ATP6V1B2: variants seen among roughly 807,000 people sequenced by gnomAD.
The protein encoded by ATP6V1B2 is V-type proton ATPase subunit B, brain isoform.
Under a neutral mutation model 66.7 loss-of-function variants are expected in ATP6V1B2, and 23 were observed. That is an observed-to-expected ratio of 0.34 (90% confidence interval 0.25 to 0.49). ATP6V1B2 has a LOEUF of 0.49. ATP6V1B2 is among the 20% of genes least tolerant of loss of function. The pLI is 0.99. For missense variants in ATP6V1B2, 478 were observed against 650.8 expected (o/e 0.73, Z 2.89); for synonymous variants, 278 against 236.7 (o/e 1.17, Z -1.60).
intron 7 of ATP6V1B2, 116 bp from the exon 8 acceptor site, chr8:20,211,986 T>G: frequency 2.1e-6 from 2 of 966,936 alleles, no homozygotes; most frequent in Non-Finnish European, 3.0e-6. Flanking sequence ...TGAAGATTTT[T>G]GGGGTACTTG....
rs2072854029 is a variant in ATP6V1B2 at position 20,216,304 on chromosome 8, T to TA, written c.1079-108dup. 5 of 814,772 alleles carry TA rather than the reference T, an allele frequency of 6.1e-6. No individual in the cohort carries two copies. In the Admixed American group the frequency reaches 1.1e-4, roughly 18 times the overall value. 50.5% of individuals were successfully genotyped at this position (814,772 alleles called of 1,614,324 possible). On this transcript the variant is annotated intron_variant, in intron 10 of 13. Transcript: ENST00000276390. ...CTAAGAACACTCTTCTAAGTAATGTTACAGGTAGTACAGAGGGACTTTTTG... is the reference window on the plus strand; with the variant it reads ...CTAAGAACACTCTTCTAAGTAATGTTAACAGGTAGTACAGAGGGACTTTTTG...
In ATP6V1B2 at chr8:20,211,857, G is replaced by A. The variant is rs576185708; in HGVS notation, c.705+104G>A. On this transcript the variant is annotated intron_variant, in intron 7 of 13. Coordinates refer to ENST00000276390, the MANE Select transcript of ATP6V1B2 (RefSeq NM_001693.4). ...ATAGTTGAATTTTTCTTTAGGTAAAGAATTTGCAATCTGGCATTTTGGCCA... is the reference window on the plus strand; with the variant it reads ...ATAGTTGAATTTTTCTTTAGGTAAAAAATTTGCAATCTGGCATTTTGGCCA... 20 of 1,023,912 alleles carry A rather than the reference G, an allele frequency of 2.0e-5. No individual in the cohort carries two copies. In the African/African-American group the frequency reaches 3.3e-4, roughly 17 times the overall value. The allele number at this position is 1,023,912 out of a possible 1,614,324, so 63.4% of individuals were successfully genotyped here.
rs2072894496 is a variant in ATP6V1B2 at position 20,220,244 on chromosome 8, T to A, written c.1397-19T>A. ...TTGGAAGTCATTTGCATTTATTAAT[T>A]CAATCTCAATTTTTTAAGGTCCTTA... On this transcript the variant is annotated intron_variant, in intron 13 of 13. Coordinates refer to ENST00000276390, the MANE Select transcript of ATP6V1B2 (RefSeq NM_001693.4). 1 of 1,602,484 alleles carries A rather than the reference T, an allele frequency of 6.2e-7. No homozygotes were observed. Among genetic ancestry groups the A allele is most frequent in the African/African-American group, 1.3e-5 (1 of 74,108 alleles).
Position 20,216,467 on chromosome 8 carries a change from A to T in ATP6V1B2, c.1133A>T (p.Tyr378Phe). 1 of 1,613,422 alleles carries T rather than the reference A, an allele frequency of 6.2e-7. No homozygotes were observed. The highest frequency in any genetic ancestry group is 8.5e-7 in the Non-Finnish European group (1 of 1,179,516). The change falls in exon 11 of 14, where the codon TAT (tyrosine) becomes TTT (phenylalanine). Residue 378 changes from tyrosine to phenylalanine, a missense_variant. By Grantham distance (22) the Tyr-to-Phe change is conservative. Around this residue, in one of 2 missense-constraint regions of ATP6V1B2, gnomAD observed 326 missense variants for 545.6 expected, o/e 0.60. Transcript: ENST00000276390. The part of the protein sequence containing the change: ...LTGYITEGQI[Y>F]VDRQLHNRQI... Reference sequence around the variant, plus strand: ...GGCTACATTACAGAGGGGCAGATCTATGTGGACAGACAGCTGCACAACAGA... The same window carrying T: ...GGCTACATTACAGAGGGGCAGATCTTTGTGGACAGACAGCTGCACAACAGA...
rs184355755 is a variant in ATP6V1B2, at chr8:20,219,562, T to C, written c.1397-701T>C. 6.6e-5 allele frequency among the ~76,000 whole-genome samples: 10 copies of C among 152,316 alleles called. No individual in the cohort carries two copies. In the East Asian group the frequency reaches 1.5e-3, roughly 23 times the overall value. ...AATGCATCAGGCTGTACACTTAGGA[T>C]GTGCACCTTTCCAGTTATATGATAC... On this transcript the variant is annotated intron_variant, in intron 13 of 13. Coordinates refer to ENST00000276390, the MANE Select transcript of ATP6V1B2 (RefSeq NM_001693.4).
At chr8:20,201,549 C>T (rs557679314) in intron 1 of ATP6V1B2, among the ~76,000 whole-genome samples, 1 of 152,172 alleles carries the variant, frequency 6.6e-6, no homozygotes, top group African/African-American at 2.4e-5. Flanking sequence ...GTGCTAGAAG[C>T]TGTATGATCT....
intron 9 of ATP6V1B2, chr8:20,214,414 T>C (rs921207917): frequency 6.5e-6 from 1 of 154,934 alleles, no homozygotes; most frequent in African/African-American, 2.4e-5. Context: ...CTCGTGTACA[T>C]TTCCTTCCCT....
intron 12 of ATP6V1B2, 83 bp from the exon 13 acceptor site, chr8:20,218,070 C>T (rs2128886774): frequency 6.6e-7 from 1 of 1,520,146 alleles, no homozygotes; most frequent in South Asian, 1.3e-5. Context: ...GTGAGGAGAA[C>T]TAGAGCAGTA....
chr8:20,201,233 G>T (rs1585244798), intron 1 of ATP6V1B2, among the ~76,000 whole-genome samples: 1 of 152,240 alleles, frequency 6.6e-6, no homozygotes, highest in East Asian at 1.9e-4. Flanking sequence ...CACACCTACG[G>T]GCTCAAATTC....
intron 10 of ATP6V1B2, chr8:20,216,114 G>A (rs1317285526): frequency 9.7e-6 from 2 of 206,442 alleles, no homozygotes; most frequent in Non-Finnish European, 2.0e-5. Flanking sequence ...TATGGTTGCC[G>A]CTAGCCACAT....
intron 9 of ATP6V1B2, 102 bp downstream of exon 9, chr8:20,213,007 A>C: frequency 6.8e-7 from 1 of 1,474,870 alleles, no homozygotes; most frequent in African/African-American, 1.4e-5. Flanking sequence ...TTTTAATTCC[A>C]CTGTTCATAT....
In ATP6V1B2 at chr8:20,197,422, A is replaced by T; in HGVS notation, c.16A>T (p.Met6Leu). Residue 6 changes from methionine to leucine, a missense_variant, in exon 1 of 14, where the codon ATG (methionine) becomes TTG (leucine). Physicochemically the swap from Met to Leu is conservative, Grantham distance 15. This residue lies in a region of ATP6V1B2 where 152 missense variants were observed against 105.2 expected (regional missense o/e 1.44). Coordinates refer to ENST00000276390, the MANE Select transcript of ATP6V1B2 (RefSeq NM_001693.4). ...AGGAGACAAGATGGCGCTGCGGGCG[A>T]TGCGGGGGATTGTCAACGGGGCCGC... is the stretch of plus-strand genomic sequence containing the variant. MALRA[M>L]RGIVNGAAPE... 3 of 1,543,094 alleles carry T rather than the reference A, an allele frequency of 1.9e-6. No homozygotes were observed. Among genetic ancestry groups the T allele is most frequent in the East Asian group, 2.7e-5 (1 of 37,638 alleles).
intron 9 of ATP6V1B2, 112 bp from the exon 10 acceptor site, chr8:20,214,706 A>G: frequency 8.2e-7 from 1 of 1,224,288 alleles, no homozygotes; most frequent in Non-Finnish European, 1.1e-6. Flanking sequence ...AGTATTTAAA[A>G]TGAACATGAT....
intron 2 of ATP6V1B2, among the ~76,000 whole-genome samples, chr8:20,205,891 A>G (rs1286571407): frequency 6.6e-6 from 1 of 152,246 alleles, no homozygotes; most frequent in East Asian, 1.9e-4. Flanking sequence ...CCTATGTAAA[A>G]TATCAGCAAA....
At chr8:20,212,241 A>T in intron 8 of ATP6V1B2, 42 bp downstream of exon 8, 2 of 1,580,298 alleles carry the variant, frequency 1.3e-6, no homozygotes, top group Non-Finnish European at 1.7e-6. Context: ...CAGACTCGGG[A>T]TCAAAAGTGT....
rs2072789120 is a variant in ATP6V1B2 at position 20,211,135 on chromosome 8, T to C, written c.464-42T>C. The C allele has an allele frequency of 7.5e-6, 12 of 1,592,802 alleles. No individual in the cohort carries two copies. In the South Asian group the frequency reaches 8.1e-5, roughly 11 times the overall value. ...GATATCTAATTTCATTCATGAATAA[T>C]GCGGCAACTTGTTGAAATTTTCCTT... On this transcript the variant is annotated intron_variant, in intron 5 of 13. Transcript: ENST00000276390.
At chr8:20,218,031 G>A (rs2072872254) in intron 12 of ATP6V1B2, 122 bp from the exon 13 acceptor site, 2 of 1,317,324 alleles carry the variant, frequency 1.5e-6, no homozygotes, top group Non-Finnish European at 2.0e-6. Context: ...TATGTGAATT[G>A]TTTTTGTAAA....
intron 1 of ATP6V1B2, among the ~76,000 whole-genome samples, chr8:20,200,808 T>G (rs929405815): frequency 1.3e-5 from 2 of 152,210 alleles, no homozygotes; most frequent in Non-Finnish European, 2.9e-5. Context: ...GCTTTTTTCC[T>G]AGAACCTCTT....
In ATP6V1B2 at chr8:20,218,769, T is replaced by C. The variant is rs760422387; in HGVS notation, c.1396+487T>C. Among the ~76,000 whole-genome samples, 3 of 152,280 alleles carry C rather than the reference T, an allele frequency of 2.0e-5. No homozygotes were observed. In the East Asian group the frequency reaches 5.8e-4, roughly 29 times the overall value. On this transcript the variant is annotated intron_variant, in intron 13 of 13. Coordinates refer to ENST00000276390, the MANE Select transcript of ATP6V1B2 (RefSeq NM_001693.4). Reference sequence around the variant, plus strand: ...GTCCACTTTTCACTGTGCTGTGGGCTCTATGATGTGTGGACCTTTACCCAC... The same window carrying C: ...GTCCACTTTTCACTGTGCTGTGGGCCCTATGATGTGTGGACCTTTACCCAC...
Sources: gnomAD v4.1 joint callset for allele counts (sites outside exome capture counted in the v4.1 genomes callset) on GRCh38, gnomAD v4.1.1 for gene constraint, gnomAD v4.1.1 regional missense constraint, MANE v1.5 for transcripts, NCBI Gene and HGNC (gene_info 2026-07-23, HGNC 2026-07-21) for gene names.